Variants in CYP2J2 observed in about 807,000 individuals in gnomAD.
CYP2J2 encodes the protein cytochrome P450 family 2 subfamily J member 2, also known as cytochrome P450 2J2.
CYP2J2 carries 41 observed loss-of-function variants against 48.8 expected under a neutral mutation model. The ratio of observed to expected loss-of-function variants is 0.84; its 90% CI spans 0.66 to 1.09. The LOEUF (loss-of-function observed/expected upper bound fraction) is 1.09, where lower values mean the gene tolerates loss of function less well. CYP2J2 is among the 50% of genes least tolerant of loss of function. CYP2J2 has a pLI of 0.00. For synonymous variants in CYP2J2, 221 were observed against 227.1 expected, an observed-to-expected ratio of 0.97 and a Z score of 0.24; for missense variants, 644 against 617.3, an observed-to-expected ratio of 1.04 and a Z score of -0.46.
At position 59,901,043 on chromosome 1, in the gene CYP2J2, G is replaced by C. The variant is rs774211326; in HGVS notation, c.1252C>G (p.Pro418Ala). The C allele has an allele frequency of 6.2e-7, 1 of 1,614,138 alleles. No individual in the cohort carries two copies. The highest frequency in any genetic ancestry group is 1.7e-5 in the Admixed American group (1 of 60,028). Residue 418 changes from proline (P) to alanine (A), a missense_variant, in exon 8 of 9, where the codon CCT (proline) becomes GCT (alanine). Coordinates refer to ENST00000371204, the MANE Select transcript of CYP2J2 (RefSeq NM_000775.4). ...LHRDPTEWAT[P>A]DTFNPDHFLE... is the part of the protein sequence containing the mutation. ...AAATGGTCCGGATTGAATGTGTCAG[G>C]GGTGGCCCACTCTGTGGGGTCCCTG...
chr1:59,926,826 C>A, upstream of CYP2J2: 1 of 1,316,320 alleles, frequency 7.6e-7, no homozygotes, highest in Non-Finnish European at 1.1e-6. Context: ...CCGCCTCGCT[C>A]CCAGCCGTGC....
chr1:59,967,785 G>A, the CYP2J2 span, among the ~76,000 whole-genome samples: 1 of 152,192 alleles, frequency 6.6e-6, no homozygotes, highest in Non-Finnish European at 1.5e-5. Flanking sequence ...CATGCTATTT[G>A]TAAGTACTGA....
chr1:59,955,661 GACA>G, the CYP2J2 span, among the ~76,000 whole-genome samples: 1 of 152,048 alleles, frequency 6.6e-6, no homozygotes, highest in African/African-American at 2.4e-5. Flanking sequence ...TTGGTACCCA[GACA>G]ACAATACAAC....
At chr1:59,933,044 C>A in the CYP2J2 span, among the ~76,000 whole-genome samples, 3 of 152,054 alleles carry the variant, frequency 2.0e-5, no homozygotes, top group African/African-American at 7.2e-5. Flanking sequence ...GTGATTATAG[C>A]TTATTGATAA....
At chr1:59,898,347 A>T (rs1574245361) in intron 8 of CYP2J2, among the ~76,000 whole-genome samples, 1 of 152,212 alleles carries the variant, frequency 6.6e-6, no homozygotes, top group Non-Finnish European at 1.5e-5. Flanking sequence ...CTAAGCCAGG[A>T]CAGCTTGCTG....
At chr1:59,936,322 G>T in the CYP2J2 span, among the ~76,000 whole-genome samples, 21 of 152,282 alleles carry the variant, frequency 1.4e-4, no homozygotes, top group South Asian at 4.3e-3. Context: ...AGCAGAATTT[G>T]TGTTGTTTTC....
the CYP2J2 span, among the ~76,000 whole-genome samples, chr1:59,935,015 C>CATATATATATATATATATATATAT: frequency 1.9e-4 from 9 of 47,496 alleles, 1 homozygote; most frequent in East Asian, 7.7e-4. Flanking sequence ...TATATATATA[C>CATATATATATATATATATATATAT]ATATATATAT....
chr1:59,910,255 T>C (rs1227264742), intron 4 of CYP2J2, among the ~76,000 whole-genome samples: 2 of 152,224 alleles, frequency 1.3e-5, no homozygotes, highest in Non-Finnish European at 2.9e-5. Context: ...AGGCATTAAA[T>C]AACTATTGTT....
chr1:59,955,187 AAT>A, the CYP2J2 span, among the ~76,000 whole-genome samples: 249 of 149,240 alleles, frequency 1.7e-3, 1 homozygote, highest in African/African-American at 5.7e-3. Flanking sequence ...AAAAATAAAA[AAT>A]ATGTGCATAT....
chr1:59,912,508 T>G, intron 2 of CYP2J2, 197 bp from the exon 3 acceptor site: 1 of 566,188 alleles, frequency 1.8e-6, no homozygotes, highest in East Asian at 2.9e-5. Context: ...GGCACTTTAA[T>G]ATGCATTTTG....
the CYP2J2 span, among the ~76,000 whole-genome samples, chr1:59,955,448 A>T: frequency 1.3e-5 from 2 of 152,020 alleles, no homozygotes; most frequent in Non-Finnish European, 2.9e-5. Context: ...TGGTTCAGGC[A>T]AGAATCATCA....
At chr1:59,927,676 G>A (rs556366905), upstream of CYP2J2, among the ~76,000 whole-genome samples, 38 of 152,246 alleles carry the variant, frequency 2.5e-4, 1 homozygote, top group South Asian at 7.5e-3. Context: ...GGGTTCAAGC[G>A]ATTCTTCTGC....
In CYP2J2 at chr1:59,901,123, C is replaced by G. The variant is rs754971587; in HGVS notation, c.1192-20G>C. ...GGTACCCTAGAGAAAGCAGCAGAGA[C>G]TCAGGCAAGGCTTGACCCATGAAAA... On this transcript the variant is annotated intron_variant, in intron 7 of 8. Transcript: ENST00000371204. 1 of 1,610,370 alleles carries G rather than the reference C, an allele frequency of 6.2e-7. No homozygotes were observed. Among genetic ancestry groups the G allele is most frequent in the Non-Finnish European group, 8.5e-7 (1 of 1,176,986 alleles).
At chr1:59,969,112 C>T in the CYP2J2 span, among the ~76,000 whole-genome samples, 8 of 152,262 alleles carry the variant, frequency 5.3e-5, no homozygotes, top group African/African-American at 1.9e-4. Flanking sequence ...TGTTACAGCT[C>T]ATAAAGGCAG....
At chr1:59,912,910 C>T (rs1051892213) in intron 2 of CYP2J2, 10 of 152,224 alleles carry the variant, frequency 6.6e-5, no homozygotes, top group Non-Finnish European at 4.4e-5. Flanking sequence ...AAGTTCCATA[C>T]AGAAAGAAGA....
chr1:59,896,348 CAAAT>C (rs1052329662), intron 8 of CYP2J2, among the ~76,000 whole-genome samples: 2 of 148,100 alleles, frequency 1.4e-5, no homozygotes, highest in African/African-American at 2.5e-5. Flanking sequence ...ATATATACAC[CAAAT>C]ATATATACCC....
the CYP2J2 span, among the ~76,000 whole-genome samples, chr1:59,951,191 A>G: frequency 3.9e-5 from 6 of 152,228 alleles, no homozygotes; most frequent in Non-Finnish European, 8.8e-5. Context: ...AGCTGGGCCA[A>G]GGTTTGACCT....
chr1:59,941,798 AGAAAT>A, the CYP2J2 span, among the ~76,000 whole-genome samples: 8 of 151,866 alleles, frequency 5.3e-5, no homozygotes, highest in Non-Finnish European at 1.0e-4. Flanking sequence ...AATGACATAA[AGAAAT>A]GAAACATTTT....
chr1:59,924,120 A>G (rs1459889553), intron 1 of CYP2J2, among the ~76,000 whole-genome samples: 1 of 152,218 alleles, frequency 6.6e-6, no homozygotes, highest in Non-Finnish European at 1.5e-5. Context: ...TTCTTAACAG[A>G]AACCACAGAG....
Sources: gnomAD v4.1 joint callset for allele counts (sites outside exome capture counted in the v4.1 genomes callset) on GRCh38, gnomAD v4.1.1 for gene constraint, MANE v1.5 for transcripts, NCBI Gene and HGNC (gene_info 2026-07-23, HGNC 2026-07-21) for gene names.